EMSY: variants seen among roughly 807,000 people sequenced by gnomAD.
EMSY encodes the protein BRCA2-interacting transcriptional repressor EMSY.
A neutral mutation model predicts 134.6 loss-of-function variants in EMSY; 26 were observed. The ratio of observed to expected loss-of-function variants is 0.19; its 90% CI spans 0.14 to 0.27. The LOEUF is 0.27. Among genes scored for constraint, EMSY ranks in the 10% least tolerant of loss-of-function variants. The pLI is 1.00. For missense variants in EMSY, 1,305 were observed against 1,611.4 expected (o/e 0.81, Z 3.26); for synonymous variants, 579 against 577.8 (o/e 1.00, Z -0.03).
rs957678452 is a variant in EMSY, at chr11:76,525,279, A to T, written c.1822-1183A>T. ...TGCTGGGAAGAGTATGCATGTGTTG[A>T]AATAAGTAATAACACCATTGGCAGA... On this transcript the variant is annotated intron_variant, in intron 12 of 20. Coordinates refer to ENST00000334736, the Ensembl canonical transcript of EMSY. Among the ~76,000 whole-genome samples, 12 of 152,330 alleles carry T rather than the reference A, an allele frequency of 7.9e-5. No individual in the cohort carries two copies. In the East Asian group the frequency reaches 2.3e-3, roughly 29 times the overall value.
chr11:76,497,175 A>G (rs966380154), intron 9 of EMSY: 2 of 152,120 alleles, frequency 1.3e-5, no homozygotes, highest in African/African-American at 4.8e-5. Context: ...GATATGCTGG[A>G]TTATATTGAT....
At chr11:76,447,049 CTTTTTT>C (rs1947445388) in intron 2 of EMSY, 41 bp downstream of exon 2, 15 of 1,586,170 alleles carry the variant, frequency 9.5e-6, no homozygotes, top group Non-Finnish European at 1.3e-5. Context: ...TCTCTGATAC[CTTTTTT>C]CCCTTTCTGC....
At chr11:76,483,506 C>G (rs1565303027) in intron 8 of EMSY, among the ~76,000 whole-genome samples, 2 of 152,034 alleles carry the variant, frequency 1.3e-5, no homozygotes, top group African/African-American at 4.8e-5. Flanking sequence ...ATTCAGGAGA[C>G]CCATCTCATG....
At chr11:76,537,726 T>C in intron 15 of EMSY, 69 bp from the exon 17 acceptor site, 1 of 1,388,994 alleles carries the variant, frequency 7.2e-7, no homozygotes, top group Middle Eastern at 1.9e-4. Context: ...TCATTATTCC[T>C]GTGGACAACT....
chr11:76,543,795 G>A (rs1951535861), intron 18 of EMSY, among the ~76,000 whole-genome samples: 1 of 152,148 alleles, frequency 6.6e-6, no homozygotes, highest in Admixed American at 6.5e-5. Context: ...ACAGGCACAG[G>A]TCTCAGACAA....
intron 2 of EMSY, among the ~76,000 whole-genome samples, chr11:76,447,321 T>A (rs1292525074): frequency 1.3e-5 from 2 of 152,208 alleles, no homozygotes. Context: ...GCCTAAAAGG[T>A]AGGTGTTTTT....
intron 8 of EMSY, among the ~76,000 whole-genome samples, chr11:76,488,078 A>G (rs1479586827): frequency 1.3e-5 from 2 of 152,232 alleles, no homozygotes; most frequent in Admixed American, 6.5e-5. Context: ...AAAATTACCA[A>G]TGTAGCCTGA....
exon 14 of EMSY, chr11:76,528,369 A>G (rs1222070609): frequency 1.9e-6 from 3 of 1,612,762 alleles, no homozygotes; most frequent in East Asian, 2.2e-5. Flanking sequence ...CCAGGGTAGC[A>G]GAGGCTGGTA....
At chr11:76,523,332 G>A (rs1950715083) in intron 12 of EMSY, 41 bp downstream of exon 13, 1 of 1,583,038 alleles carries the variant, frequency 6.3e-7, no homozygotes, top group Non-Finnish European at 8.6e-7. Flanking sequence ...AATTCACAGA[G>A]GATTTAAAGA....
intron 11 of EMSY, chr11:76,516,622 C>A (rs551886415): frequency 1.6e-5 from 3 of 189,236 alleles, no homozygotes; most frequent in South Asian, 2.3e-4. Context: ...TCAACCTATT[C>A]AGACCCCATA....
chr11:76,546,127 C>T (rs2136827889), exon 20 of EMSY: 1 of 1,614,198 alleles, frequency 6.2e-7, no homozygotes, highest in African/African-American at 1.3e-5. Flanking sequence ...GAATTCCACT[C>T]CCCAGCAACA....
intron 20 of EMSY, 75 bp from the exon 22 acceptor site, chr11:76,549,877 T>TC: frequency 7.5e-7 from 1 of 1,326,272 alleles, no homozygotes; most frequent in Non-Finnish European, 1.0e-6. Context: ...TTTTTTTTTT[T>TC]TTCTTGATAT....
intron 8 of EMSY, among the ~76,000 whole-genome samples, chr11:76,480,102 C>G (rs1313046110): frequency 6.6e-6 from 1 of 152,194 alleles, no homozygotes; most frequent in East Asian, 1.9e-4. Context: ...CCGCTGGTAA[C>G]TATCTTATGC....
At chr11:76,544,394 G>A (rs764614182) in exon 19 of EMSY, 1 of 1,614,138 alleles carries the variant, frequency 6.2e-7, no homozygotes, top group Admixed American at 1.7e-5. Context: ...GTCACAGTCA[G>A]CTAAACAGCA....
intron 9 of EMSY, 61 bp from the exon 11 acceptor site, chr11:76,513,325 G>T (rs1184664246): frequency 6.6e-7 from 1 of 1,523,108 alleles, no homozygotes; most frequent in Non-Finnish European, 8.9e-7. Flanking sequence ...CTCTTGGGTT[G>T]GTATAAGGGA....
At chr11:76,511,947 CAG>C (rs1252583596) in intron 9 of EMSY, among the ~76,000 whole-genome samples, 2 of 152,010 alleles carry the variant, frequency 1.3e-5, no homozygotes, top group African/African-American at 4.8e-5. Flanking sequence ...GACTGAGTCA[CAG>C]AGATTATGTA....
chr11:76,544,928 G>A (rs1483538050), intron 19 of EMSY, 106 bp downstream of exon 20: 1 of 1,282,024 alleles, frequency 7.8e-7, no homozygotes, highest in Non-Finnish European at 1.1e-6. Context: ...CCTGGCAAGA[G>A]GAAACCCAAA....
intron 2 of EMSY, among the ~76,000 whole-genome samples, chr11:76,450,182 C>T (rs1459205098): frequency 6.6e-6 from 1 of 151,806 alleles, no homozygotes; most frequent in Non-Finnish European, 1.5e-5. Flanking sequence ...ATTAGCGCAC[C>T]ATTTGGTATA....
At chr11:76,506,661 A>G (rs1420872578) in intron 9 of EMSY, among the ~76,000 whole-genome samples, 1 of 152,200 alleles carries the variant, frequency 6.6e-6, no homozygotes, top group Non-Finnish European at 1.5e-5. Context: ...ATACTGAGAT[A>G]ACATCCACCC....
Sources: gnomAD v4.1 joint callset for allele counts (sites outside exome capture counted in the v4.1 genomes callset) on GRCh38, gnomAD v4.1.1 for gene constraint, MANE v1.5 for transcripts, NCBI Gene and HGNC (gene_info 2026-07-23, HGNC 2026-07-21) for gene names.